AP1G2: variants seen among roughly 807,000 people sequenced by gnomAD.
AP1G2 encodes the protein AP-1 complex subunit gamma-like 2.
A neutral mutation model predicts 95.8 loss-of-function variants in AP1G2; 85 were observed. The observed-to-expected ratio is 0.89, with a 90% CI of 0.74 to 1.06. The LOEUF (loss-of-function observed/expected upper bound fraction) is 1.06, where lower values mean the gene tolerates loss of function less well. AP1G2 is among the 50% of genes least tolerant of loss of function. The pLI, the probability that AP1G2 is intolerant of heterozygous loss-of-function variation, is 0.00. For missense variants in AP1G2, 967 were observed against 1,005.8 expected (o/e 0.96, Z 0.52); for synonymous variants, 378 against 400.0 (o/e 0.94, Z 0.66).
At chr14:23,564,521 G>A in intron 9 of AP1G2, 41 bp downstream of exon 9, 2 of 1,605,398 alleles carry the variant, frequency 1.2e-6, no homozygotes, top group Non-Finnish European at 1.7e-6. Context: ...TGGGTGAGGT[G>A]GTGGGCGGGG....
rs1350299694 is a variant in AP1G2 at position 23,565,904 on chromosome 14, G to A, written c.569-12C>T. 4 of 1,596,026 alleles carry A rather than the reference G, an allele frequency of 2.5e-6. No individual in the cohort carries two copies. The highest frequency in any genetic ancestry group is 3.4e-5 in the Admixed American group (2 of 59,302). On this transcript the variant is annotated splice_polypyrimidine_tract_variant and intron_variant, in intron 5 of 21. Coordinates refer to ENST00000397120, the MANE Select transcript of AP1G2 (RefSeq NM_003917.5). Reference sequence around the variant, plus strand: ...GCCCAGCAGGATGCCTGGGGTCAGCGTCGGGGAAGTGAATGGTGGGGGCCA... The same window carrying A: ...GCCCAGCAGGATGCCTGGGGTCAGCATCGGGGAAGTGAATGGTGGGGGCCA...
At chr14:23,565,437 A>T (rs991678451) in intron 7 of AP1G2, 169 bp downstream of exon 7, 7 of 732,576 alleles carry the variant, frequency 9.6e-6, no homozygotes, top group Non-Finnish European at 1.6e-5. Flanking sequence ...ACTTTTAGGC[A>T]TTCCCTCTCC....
At position 23,561,851 on chromosome 14, in the gene AP1G2, A is replaced by G. The variant is rs567909102; in HGVS notation, c.1733+111T>C. ...AATTAACAGTGGGTGGGAAGCTCTC[A>G]CCGTGGATATGGAAGAACACAGGTG... On this transcript the variant is annotated intron_variant, in intron 17 of 21. Coordinates refer to ENST00000397120, the MANE Select transcript of AP1G2 (RefSeq NM_003917.5). 3.4e-6 allele frequency: 5 copies of G among 1,481,608 alleles called. No homozygotes were observed. The South Asian group carries it at 6.8e-5, about 20-fold the overall frequency. The allele number at this position is 1,481,608 out of a possible 1,614,324, so 91.8% of individuals were successfully genotyped here.
chr14:23,559,923 A>T lies in AP1G2; in HGVS notation c.2256+15T>A. On this transcript the variant is annotated intron_variant, in intron 21 of 21. Transcript: ENST00000397120. ...TATCCCTGGGTCTTGTCTTGGGGGA[A>T]CTCCTGAAGCTCACCTTGTTAGGAT... 6.2e-7 allele frequency: 1 copy of T among 1,611,738 alleles called. No individual in the cohort carries two copies. Among genetic ancestry groups the T allele is most frequent in the Non-Finnish European group, 8.5e-7 (1 of 1,178,304 alleles).
rs1310958769 is a variant in AP1G2, at chr14:23,560,239, T to C, written c.2157+16A>G. 2 of 1,612,678 alleles carry C rather than the reference T, an allele frequency of 1.2e-6. No homozygotes were observed. The highest frequency in any genetic ancestry group is 1.1e-5 in the South Asian group (1 of 90,986). On this transcript the variant is annotated intron_variant, in intron 20 of 21. Transcript: ENST00000397120. Reference sequence around the variant, plus strand: ...TGGAGTCCCCAGGCCACCTCTGAACTCTGATCTTTACAAACCTTGGGCACA... The same window carrying C: ...TGGAGTCCCCAGGCCACCTCTGAACCCTGATCTTTACAAACCTTGGGCACA...
In AP1G2 at chr14:23,559,800, C is replaced by T. The variant is rs375074145; in HGVS notation, c.2307G>A (p.Ser769=). Residue 769 remains serine (S), a synonymous_variant, in exon 22 of 22, where the codon TCG becomes TCA. Coordinates refer to ENST00000397120, the MANE Select transcript of AP1G2 (RefSeq NM_003917.5). ...LRLTYDHFHQ[S]VQEIFEVNNL... The stretch of plus-strand genomic sequence containing the variant: ...TGTTCACCTCAAAGATCTCCTGCAC[C>T]GACTGGTGAAAGTGGTCGTAGGTGA... The T allele has an allele frequency of 2.5e-5, 41 of 1,613,970 alleles. No individual in the cohort carries two copies. Among genetic ancestry groups the T allele is most frequent in the Non-Finnish European group, 3.1e-5 (36 of 1,180,034 alleles).
At chr14:23,564,712 C>CT (rs1336434821) in intron 8 of AP1G2, 52 bp from the exon 9 acceptor site, 2 of 1,544,758 alleles carry the variant, frequency 1.3e-6, no homozygotes, top group Non-Finnish European at 8.9e-7. Flanking sequence ...CTCAGGTCTC[C>CT]TTTTTTTGAT....
Position 23,561,962 on chromosome 14 carries a change from C to A in AP1G2, c.1733G>T (p.Arg578Met), listed in dbSNP as rs1424216473. The A allele has an allele frequency of 6.2e-7, 1 of 1,607,616 alleles. No individual in the cohort carries two copies. Residue 578 changes from arginine to methionine, a missense_variant and splice_region_variant, in exon 17 of 22, where the codon AGG becomes ATG. Arg to Met is a moderately conservative substitution (Grantham distance 91). Transcript: ENST00000397120. ...DTLFRKYDHMRAAILEKMPLV... is the reference protein window; with the variant it reads ...DTLFRKYDHMMAAILEKMPLV... ...TGCTGCAGCACAGTGCTGGACACAC[C>A]TCATGTGGTCGTATTTCCGGAAGAG...
Position 23,563,352 on chromosome 14 carries a change from CCTGGGCCTAGGTAGG to C in AP1G2, c.1410+13_1410+27del. ...ATGGGCAAGGGAGTGGTTGGGCAGC[CCTGGGCCTAGGTAGG>C]TGGGAATGGTACCTGGGAAATGTCT... is the stretch of plus-strand genomic sequence containing the variant. On this transcript the variant is annotated intron_variant, in intron 14 of 21. Coordinates refer to ENST00000397120, the MANE Select transcript of AP1G2 (RefSeq NM_003917.5). 2 of 1,565,224 alleles carry C rather than the reference CCTGGGCCTAGGTAGG, an allele frequency of 1.3e-6. No homozygotes were observed. The highest frequency in any genetic ancestry group is 1.7e-6 in the Non-Finnish European group (2 of 1,155,662).
rs1595285546 is a variant in AP1G2, at chr14:23,562,078, T to C, written c.1629-12A>G. ...CCTGGCGGATGCGGCTGGGCCAGTG[T>C]AGTATGTAAGTGGCTATGGCAGTGT... On this transcript the variant is annotated splice_polypyrimidine_tract_variant and intron_variant, in intron 16 of 21. Transcript: ENST00000397120. 3 of 1,611,640 alleles carry C rather than the reference T, an allele frequency of 1.9e-6. No homozygotes were observed. The highest frequency in any genetic ancestry group is 1.3e-5 in the African/African-American group (1 of 74,752).
intron 6 of AP1G2, 38 bp from the exon 7 acceptor site, chr14:23,565,739 C>T (rs1253563143): frequency 1.2e-6 from 2 of 1,609,878 alleles, no homozygotes; most frequent in Admixed American, 1.7e-5. Flanking sequence ...TCGTTCTAAT[C>T]CTCTCCAGCT....
chr14:23,560,020 A>T lies in AP1G2; in HGVS notation c.2174T>A (p.Leu725Gln). Residue 725 changes from leucine to glutamine, a missense_variant, in exon 21 of 22, where the codon CTG becomes CAG. Physicochemically the swap from Leu to Gln is moderately radical, Grantham distance 113. Transcript: ENST00000397120. Reference protein sequence around the residue: ...AAVPKSLQLQLQAPSGNTVPA... With the variant: ...AAVPKSLQLQQQAPSGNTVPA... ...AACTGTGTTCCCACTGGGGGCCTGC[A>T]GCTGCAGCTGGAGACTCTGAACACA... The T allele has an allele frequency of 6.2e-7, 1 of 1,608,396 alleles. No individual in the cohort carries two copies. Among genetic ancestry groups the T allele is most frequent in the Non-Finnish European group, 8.5e-7 (1 of 1,176,354 alleles).
intron 10 of AP1G2, 62 bp from the exon 11 acceptor site, chr14:23,564,221 C>A: frequency 6.2e-7 from 1 of 1,611,998 alleles, no homozygotes; most frequent in Non-Finnish European, 8.5e-7. Flanking sequence ...CCCGTCCTGT[C>A]CTGGGTATAG....
At chr14:23,562,753 A>G in intron 14 of AP1G2, 160 bp from the exon 15 acceptor site, 4 of 694,578 alleles carry the variant, frequency 5.8e-6, no homozygotes, top group Non-Finnish European at 7.0e-6. Context: ...TTTTAAAAAA[A>G]AAAAGAGAGA....
chr14:23,567,604 C>G lies in AP1G2; in HGVS notation c.-6+135G>C, dbSNP rs1413527307. ...ACCGTTTCCTCCCCCTACCTGGTAC[C>G]CCATCCCTAGCTCAGCCATTGCTTT... is the stretch of plus-strand genomic sequence containing the variant. On this transcript the variant is annotated intron_variant, in intron 1 of 21. Coordinates refer to ENST00000397120, the MANE Select transcript of AP1G2 (RefSeq NM_003917.5). The surrounding 1 kb of genome is among the most constrained non-coding windows in gnomAD (Gnocchi z 5.3). 15 of 1,210,472 alleles carry G rather than the reference C, an allele frequency of 1.2e-5. No individual in the cohort carries two copies. Among genetic ancestry groups the G allele is most frequent in the Non-Finnish European group, 1.4e-5 (14 of 971,508 alleles). 75.0% of individuals were successfully genotyped at this position (1,210,472 alleles called of 1,614,324 possible). A position where few individuals can be genotyped will look rare whatever the true frequency, so the allele number is the denominator to read the frequency against.
Position 23,559,769 on chromosome 14 carries a change from G to C in AP1G2, c.2338C>G (p.Pro780Ala). The stretch of plus-strand genomic sequence containing the variant: ...GACAGTTACTGCCACGATTCCACAG[G>C]CAAGTTGTTCACCTCAAAGATCTCC... The part of the protein sequence containing the change: ...VQEIFEVNNL[P>A]VESWQ Residue 780 changes from proline (P) to alanine (A), a missense_variant, in exon 22 of 22, where the codon CCT becomes GCT. By Grantham distance (27) the Pro-to-Ala change is conservative (BLOSUM62 -1). Coordinates refer to ENST00000397120, the MANE Select transcript of AP1G2 (RefSeq NM_003917.5). The C allele has an allele frequency of 6.2e-7, 1 of 1,614,126 alleles. No homozygotes were observed. Among genetic ancestry groups the C allele is most frequent in the Non-Finnish European group, 8.5e-7 (1 of 1,180,018 alleles).
rs752731458 is a variant in AP1G2, at chr14:23,563,789, G to A, written c.1159C>T (p.Gln387Ter). The change falls in exon 12 of 22, where the codon CAG becomes TAG. Residue 387 changes from glutamine (Q) to a stop codon, truncating the protein, a stop_gained. Transcript: ENST00000397120. LOFTEE classifies it high-confidence loss of function. ...SNVRAMMQEL[Q>*]AFLESCPPDL... ...GGAGGGCAGGACTCCAGAAAGGCCT[G>A]CAGCTCTTGCATCATGGCTCGCACA... is the stretch of plus-strand genomic sequence containing the variant. 6.2e-7 allele frequency: 1 copy of A among 1,614,178 alleles called. No individual in the cohort carries two copies. Among genetic ancestry groups the A allele is most frequent in the South Asian group, 1.1e-5 (1 of 91,080 alleles).
chr14:23,562,027 C>G lies in AP1G2; in HGVS notation c.1668G>C (p.Leu556Phe). The G allele has an allele frequency of 6.2e-7, 1 of 1,613,814 alleles. No homozygotes were observed. ...CAGCCCGCTGCTGCAGCTCCACGTC[C>G]AAGCAGCTCCCGTAGATGGACACCA... ...RQVVSIYGSCLDVELQQRAVE... is the reference protein window; with the variant it reads ...RQVVSIYGSCFDVELQQRAVE... Residue 556 changes from leucine to phenylalanine, a missense_variant, in exon 17 of 22, where the codon TTG becomes TTC. By Grantham distance (22) the Leu-to-Phe change is conservative. Transcript: ENST00000397120.
intron 11 of AP1G2, 89 bp from the exon 12 acceptor site, chr14:23,563,945 C>A (rs1047198615): frequency 1.2e-6 from 2 of 1,600,648 alleles, no homozygotes; most frequent in Non-Finnish European, 1.7e-6. Context: ...ACCTGTCCCC[C>A]TTAGTCCCCT....
Sources: allele counts gnomAD v4.1 joint callset, GRCh38; gene constraint gnomAD v4.1.1; non-coding constraint Gnocchi (gnomAD v3.1); transcripts MANE v1.5; gene names NCBI Gene and HGNC (gene_info 2026-07-23, HGNC 2026-07-21).